The following ZNF804A variants were observed in gnomAD, a reference collection of about 807,000 sequenced individuals.
The protein encoded by ZNF804A is zinc finger protein 804A.
Under a neutral mutation model 16.5 loss-of-function variants are expected in ZNF804A, and 2 were observed. That is an observed-to-expected ratio of 0.12 (90% CI 0.05 to 0.38). The LOEUF is 0.38. ZNF804A is among the 10% of genes least tolerant of loss of function. The pLI is 0.99. For synonymous variants in ZNF804A, 534 were observed against 489.6 expected (o/e 1.09, Z -1.20); for missense variants, 1,473 against 1,390.7 (o/e 1.06, Z -0.94).
At chr2:184,891,288 G>A (rs910428800) in intron 2 of ZNF804A, among the ~76,000 whole-genome samples, 2 of 152,064 alleles carry the variant, frequency 1.3e-5, no homozygotes, top group Admixed American at 6.6e-5. Context: ...TGCCTGGATC[G>A]TTCTTTGTCA....
chr2:184,666,298 A>G (rs1046005865), intron 1 of ZNF804A, among the ~76,000 whole-genome samples: 2 of 152,120 alleles, frequency 1.3e-5, no homozygotes, highest in African/African-American at 4.8e-5. Context: ...AATTAGTATC[A>G]TAATGTATTC....
chr2:184,603,479 A>T (rs1237424882), intron 1 of ZNF804A, among the ~76,000 whole-genome samples: 1 of 152,190 alleles, frequency 6.6e-6, no homozygotes, highest in African/African-American at 2.4e-5. Flanking sequence ...TTTAGTTTTC[A>T]TTATTGAATA....
At chr2:184,752,182 A>G (rs1268177969) in intron 1 of ZNF804A, among the ~76,000 whole-genome samples, 3 of 151,754 alleles carry the variant, frequency 2.0e-5, no homozygotes, top group East Asian at 1.9e-4. Flanking sequence ...CTGTCCTCAT[A>G]TGTTCATTGC....
At chr2:184,884,363 G>T (rs1684854558) in intron 2 of ZNF804A, among the ~76,000 whole-genome samples, 1 of 151,948 alleles carries the variant, frequency 6.6e-6, no homozygotes, top group South Asian at 2.1e-4. Context: ...TGTTAAAATT[G>T]CCATACTTTC....
At chr2:184,864,353 T>C (rs1354047583) in intron 1 of ZNF804A, among the ~76,000 whole-genome samples, 2 of 152,172 alleles carry the variant, frequency 1.3e-5, no homozygotes, top group East Asian at 1.9e-4. Context: ...TGTTAATCTA[T>C]TGATGAAGGA....
In ZNF804A at chr2:184,917,794, T is replaced by TACAC. The variant is rs148689593; in HGVS notation, c.256-15783_256-15780dup. Among the ~76,000 whole-genome samples the TACAC allele has an allele frequency of 1.3e-3, 187 of 143,008 alleles. 1 individual carries two copies. Among genetic ancestry groups the TACAC allele is most frequent in the South Asian group, 0.01 (46 of 4,414 alleles). The allele number at this position is 143,008 out of a possible 152,430, so 93.8% of individuals were successfully genotyped here. A position where few individuals can be genotyped will look rare whatever the true frequency, so the allele number is the denominator to read the frequency against. On this transcript the variant is annotated intron_variant, in intron 2 of 3. Transcript: ENST00000302277. ...ATGCAGATAAGGCATAACTAGCACATACACACACACACACACACACACACA... is the reference window on the plus strand; with the variant it reads ...ATGCAGATAAGGCATAACTAGCACATACACACACACACACACACACACACACACA...
chr2:184,818,154 G>A (rs1345761599), intron 1 of ZNF804A, among the ~76,000 whole-genome samples: 1 of 151,998 alleles, frequency 6.6e-6, no homozygotes, highest in East Asian at 1.9e-4. Context: ...AGGGCAGATA[G>A]AGAGAAAGAA....
intron 1 of ZNF804A, among the ~76,000 whole-genome samples, chr2:184,603,858 A>T (rs1023460110): frequency 4.6e-5 from 7 of 152,178 alleles, no homozygotes; most frequent in Admixed American, 3.3e-4. Flanking sequence ...AAGGTGTCAT[A>T]TATTCTTGCT....
intron 1 of ZNF804A, among the ~76,000 whole-genome samples, chr2:184,766,814 C>T (rs1024832958): frequency 6.6e-5 from 10 of 152,038 alleles, no homozygotes; most frequent in Admixed American, 6.6e-4. Context: ...AAGCAGCCTG[C>T]CTTGAGCTGA....
chr2:184,718,748 C>A (rs1165508265), intron 1 of ZNF804A, among the ~76,000 whole-genome samples: 7 of 152,144 alleles, frequency 4.6e-5, no homozygotes, highest in African/African-American at 1.7e-4. Flanking sequence ...GCAGTTCCAA[C>A]CCTGTGACTT....
At chr2:184,925,320 C>G (rs561483512) in intron 2 of ZNF804A, among the ~76,000 whole-genome samples, 1 of 151,680 alleles carries the variant, frequency 6.6e-6, no homozygotes, top group African/African-American at 2.4e-5. Flanking sequence ...TTGTTGTCAT[C>G]GAATCTGTTT....
intron 1 of ZNF804A, among the ~76,000 whole-genome samples, chr2:184,798,468 G>A (rs1462850386): frequency 6.6e-6 from 1 of 151,814 alleles, no homozygotes; most frequent in African/African-American, 2.4e-5. Context: ...GTTGGATTGG[G>A]TTAATTTGAA....
intron 1 of ZNF804A, among the ~76,000 whole-genome samples, chr2:184,613,847 C>T (rs576979475): frequency 1.9e-4 from 29 of 152,096 alleles, no homozygotes; most frequent in Middle Eastern, 3.4e-3. Flanking sequence ...ATCATGAAAA[C>T]GGCCATACTG....
intron 1 of ZNF804A, among the ~76,000 whole-genome samples, chr2:184,635,745 G>A (rs1559113660): frequency 6.6e-6 from 1 of 152,108 alleles, no homozygotes; most frequent in Non-Finnish European, 1.5e-5. Context: ...CGTGATTAGG[G>A]TGTCAGAAAG....
At chr2:184,813,900 C>T (rs575653640) in intron 1 of ZNF804A, among the ~76,000 whole-genome samples, 1 of 151,656 alleles carries the variant, frequency 6.6e-6, no homozygotes, top group Non-Finnish European at 1.5e-5. Flanking sequence ...TGATTGTCTC[C>T]CTTCTGGATG....
intron 2 of ZNF804A, among the ~76,000 whole-genome samples, chr2:184,911,451 G>A (rs1377314826): frequency 2.0e-5 from 3 of 151,770 alleles, no homozygotes; most frequent in Non-Finnish European, 4.4e-5. Flanking sequence ...TTGGCTATTC[G>A]GGCTCTTTTT....
intron 1 of ZNF804A, among the ~76,000 whole-genome samples, chr2:184,854,801 T>A (rs1315743512): frequency 7.1e-6 from 1 of 140,428 alleles, no homozygotes; most frequent in Non-Finnish European, 1.6e-5. Flanking sequence ...AAAGAGTGAA[T>A]CTGTCAGCAC....
intron 1 of ZNF804A, among the ~76,000 whole-genome samples, chr2:184,637,692 T>C (rs1240723340): frequency 2.7e-5 from 1 of 36,968 alleles, no homozygotes. Context: ...AAAATAGCTT[T>C]TTAAGGTATT....
Position 184,750,328 on chromosome 2 carries a change from T to C in ZNF804A, c.112-116041T>C, listed in dbSNP as rs190853462. Among the ~76,000 whole-genome samples, 115 of 151,480 alleles carry C rather than the reference T, an allele frequency of 7.6e-4. 2 individuals are homozygous for C. The highest frequency in any genetic ancestry group is 2.5e-3 in the African/African-American group (103 of 41,492). ...GGAATACAAATTATTCACATCTTAATGTGACAAAAATACATATTTTCAATA... is the reference window on the plus strand; with the variant it reads ...GGAATACAAATTATTCACATCTTAACGTGACAAAAATACATATTTTCAATA... On this transcript the variant is annotated intron_variant, in intron 1 of 3. Transcript: ENST00000302277.
Sources: gnomAD v4.1 joint callset for allele counts (sites outside exome capture counted in the v4.1 genomes callset) on GRCh38, gnomAD v4.1.1 for gene constraint, MANE v1.5 for transcripts, NCBI Gene and HGNC (gene_info 2026-07-23, HGNC 2026-07-21) for gene names.